The following ACTR8 variants were observed in gnomAD, a reference collection of about 807,000 sequenced individuals.
ACTR8 encodes the protein actin related protein 8, also known as actin-related protein 8.
A neutral mutation model predicts 84.3 loss-of-function variants in ACTR8; 70 were observed. The ratio of observed to expected loss-of-function variants is 0.83; its 90% CI spans 0.68 to 1.01. The LOEUF is 1.01. Among genes scored for constraint, ACTR8 ranks in the 50% least tolerant of loss-of-function variants. ACTR8 has a pLI of 0.00. For missense variants in ACTR8, 672 were observed against 775.4 expected, an observed-to-expected ratio of 0.87 and a Z score of 1.58; for synonymous variants, 268 against 275.2, an observed-to-expected ratio of 0.97 and a Z score of 0.26.
Position 53,871,493 on chromosome 3 carries a change from CA to C in ACTR8, c.1305del (p.Ala436GlnfsTer36). 2 of 1,613,838 alleles carry C rather than the reference CA, an allele frequency of 1.2e-6. No individual in the cohort carries two copies. Among genetic ancestry groups the C allele is most frequent in the Non-Finnish European group, 1.7e-6 (2 of 1,179,932 alleles). On this transcript the variant is annotated frameshift_variant and splice_region_variant, in exon 11 of 13. Transcript: ENST00000335754. LOFTEE classifies it high-confidence loss of function. ...LLATQSKQEQ[S>X]AKATADRKSA... ...GACTTTCGGTCAGCAGTAGCTTTTGCAGACTTTAAATCAAAAGGACAATCAA... is the reference window on the plus strand; with the variant it reads ...GACTTTCGGTCAGCAGTAGCTTTTGCGACTTTAAATCAAAAGGACAATCAA...
At chr3:53,868,909 A>ACT (rs1239977753) in intron 12 of ACTR8, 47 bp from the exon 13 acceptor site, 1 of 1,581,830 alleles carries the variant, frequency 6.3e-7, no homozygotes, top group Admixed American at 1.8e-5. Flanking sequence ...TAAGACATAT[A>ACT]CTCAATCATT....
Position 53,882,108 on chromosome 3 carries a change from C to T in ACTR8, c.-7G>A, listed in dbSNP as rs977069193. The T allele has an allele frequency of 1.3e-5, 20 of 1,551,364 alleles. No homozygotes were observed. In the East Asian group the frequency reaches 2.2e-4, roughly 17 times the overall value. On this transcript the variant is annotated 5_prime_UTR_variant, in exon 1 of 13. Transcript: ENST00000335754. Reference sequence around the variant, plus strand: ...CCTTCTCAGCCTGGGTCATTATGGCCGGAGACACCCACCAACCTCTCGCCT... The same window carrying T: ...CCTTCTCAGCCTGGGTCATTATGGCTGGAGACACCCACCAACCTCTCGCCT...
downstream of ACTR8, chr3:53,865,337 A>G (rs376880235): frequency 9.7e-5 from 151 of 1,557,668 alleles, no homozygotes; most frequent in African/African-American, 1.9e-3. Context: ...GAGACCTTAA[A>G]GGCTTCCTAT....
At chr3:53,865,418 A>T, downstream of ACTR8, 1 of 796,136 alleles carries the variant, frequency 1.3e-6, no homozygotes, top group Non-Finnish European at 1.9e-6. Flanking sequence ...CAGCCTTAGT[A>T]ATTAAAACAT....
In ACTR8 at chr3:53,868,984, CT is replaced by C. The variant is rs1376937578; in HGVS notation, c.1732-123del. The C allele has an allele frequency of 1.5e-5, 20 of 1,353,478 alleles. No homozygotes were observed. The Admixed American group carries it at 4.0e-4, about 27-fold the overall frequency. 83.8% of individuals were successfully genotyped at this position (1,353,478 alleles called of 1,614,324 possible). A position where few individuals can be genotyped will look rare whatever the true frequency, so the allele number is the denominator to read the frequency against. ...ATACCTAGTAAGCCAGGCTTTCACC[CT>C]GTATTAAAGACAGCAGGATTAAATA... On this transcript the variant is annotated intron_variant, in intron 12 of 12. Coordinates refer to ENST00000335754, the MANE Select transcript of ACTR8 (RefSeq NM_022899.5).
At chr3:53,871,091 C>T in intron 11 of ACTR8, 141 bp downstream of exon 11, 1 of 1,186,562 alleles carries the variant, frequency 8.4e-7, no homozygotes, top group Non-Finnish European at 1.2e-6. Flanking sequence ...ATTCCCAACA[C>T]CTGGCAATGC....
At position 53,868,073 on chromosome 3, in the gene ACTR8, T is replaced by G. The variant is rs565962634; in HGVS notation, c.*646A>C. ...AATTGTTTTCTTTCTTCCTCTAAGC[T>G]CACCCTACGGCATGTCAGGTAACAA... On this transcript the variant is annotated 3_prime_UTR_variant, in exon 13 of 13. Coordinates refer to ENST00000335754, the MANE Select transcript of ACTR8 (RefSeq NM_022899.5). 1 of 152,282 alleles carries G rather than the reference T, an allele frequency of 6.6e-6. No individual in the cohort carries two copies. The highest frequency in any genetic ancestry group is 1.9e-4 in the East Asian group (1 of 5,180). The allele number at this position is 152,282 out of a possible 1,614,324, so 9.4% of individuals were successfully genotyped here. A position where few individuals can be genotyped will look rare whatever the true frequency, so the allele number is the denominator to read the frequency against.
Position 53,870,299 on chromosome 3 carries a change from AAC to A in ACTR8, c.1568-156_1568-155del, listed in dbSNP as rs1699863851. 2 of 829,104 alleles carry A rather than the reference AAC, an allele frequency of 2.4e-6. No individual in the cohort carries two copies. Among genetic ancestry groups the A allele is most frequent in the East Asian group, 5.1e-5 (2 of 39,344 alleles). The allele number at this position is 829,104 out of a possible 1,614,324, so 51.4% of individuals were successfully genotyped here. A position where few individuals can be genotyped will look rare whatever the true frequency, so the allele number is the denominator to read the frequency against. On this transcript the variant is annotated intron_variant, in intron 11 of 12. Coordinates refer to ENST00000335754, the MANE Select transcript of ACTR8 (RefSeq NM_022899.5). The surrounding 1 kb of genome is among the most constrained non-coding windows in gnomAD (Gnocchi z 4.1). The stretch of plus-strand genomic sequence containing the variant: ...CACTGCAGCCAGGGGAACCCTACGA[AAC>A]ACAAATGTAGGCATGTTGCCACGCC...
At chr3:53,861,065 G>A in the ACTR8 span, 3 of 152,306 alleles carry the variant, frequency 2.0e-5, no homozygotes, top group South Asian at 6.2e-4. Flanking sequence ...CTCAAGGGTT[G>A]CAAGTATCGA....
chr3:53,875,890 G>A (rs562359821), intron 7 of ACTR8, 58 bp downstream of exon 7: 13 of 1,603,840 alleles, frequency 8.1e-6, no homozygotes, highest in Admixed American at 1.7e-5. Context: ...TATTATTTAC[G>A]GTTGAACAGA....
chr3:53,873,328 G>A (rs1699916766), intron 8 of ACTR8, among the ~76,000 whole-genome samples: 1 of 152,110 alleles, frequency 6.6e-6, no homozygotes, highest in Admixed American at 6.6e-5. Flanking sequence ...AATTTCCACT[G>A]TTTGCATTAT....
intron 12 of ACTR8, among the ~76,000 whole-genome samples, chr3:53,869,534 T>C (rs1699852630): frequency 6.6e-6 from 1 of 152,200 alleles, no homozygotes. Flanking sequence ...GTCAGTGAGA[T>C]TTAATAAAAC....
At chr3:53,866,671 CG>C (rs1274118370), downstream of ACTR8, among the ~76,000 whole-genome samples, 8 of 151,988 alleles carry the variant, frequency 5.3e-5, no homozygotes, top group East Asian at 1.6e-3. Context: ...TTAGTAGAGA[CG>C]GGGTTTCACC....
intron 1 of ACTR8, among the ~76,000 whole-genome samples, chr3:53,880,597 G>A (rs1447112978): frequency 6.6e-6 from 1 of 152,160 alleles, no homozygotes; most frequent in Non-Finnish European, 1.5e-5. Context: ...CTATAGTAAA[G>A]CCTTTCAACG....
chr3:53,876,192 G>A, intron 6 of ACTR8, 112 bp from the exon 7 acceptor site: 9 of 1,280,602 alleles, frequency 7.0e-6, no homozygotes, highest in Non-Finnish European at 8.7e-6. Context: ...CAGGGCATCT[G>A]AGGAACACTG....
chr3:53,871,377 C>T lies in ACTR8; in HGVS notation c.1422G>A (p.Gly474=). 2 of 1,614,222 alleles carry T rather than the reference C, an allele frequency of 1.2e-6. 1 individual carries two copies. Among genetic ancestry groups the T allele is most frequent in the South Asian group, 2.2e-5 (2 of 91,084 alleles). Residue 474 remains glycine (G), a synonymous_variant, in exon 11 of 13, where the codon GGG becomes GGA. Coordinates refer to ENST00000335754, the MANE Select transcript of ACTR8 (RefSeq NM_022899.5). ...ERLHSQEVDL[G]SAQGDGLMAG... ...CCATCAGGCCATCTCCCTGTGCAGA[C>T]CCCAAATCTACCTCCTGGGAATGGA... is the stretch of plus-strand genomic sequence containing the variant.
In ACTR8 at chr3:53,882,014, T is replaced by G; in HGVS notation, c.88A>C (p.Ile30Leu). The change falls in exon 1 of 13, where the codon ATC becomes CTC. Residue 30 changes from isoleucine to leucine, a missense_variant. Coordinates refer to ENST00000335754, the MANE Select transcript of ACTR8 (RefSeq NM_022899.5). ...GACTCCGGCACCAGCGCGGGCACGA[T>G]GGGCCGCTTCACGCCGCGCTGCTCC... Reference protein sequence around the residue: ...EKEQRGVKRPIVPALVPESLQ... With the variant: ...EKEQRGVKRPLVPALVPESLQ... 2.6e-6 allele frequency: 4 copies of G among 1,552,224 alleles called. No individual in the cohort carries two copies. The highest frequency in any genetic ancestry group is 3.5e-6 in the Non-Finnish European group (4 of 1,147,126).
chr3:53,875,803 A>G (rs1699955916), intron 7 of ACTR8, 145 bp downstream of exon 7: 7 of 1,223,312 alleles, frequency 5.7e-6, no homozygotes, highest in Non-Finnish European at 6.7e-6. Flanking sequence ...TAGAATATGC[A>G]CTTCCATAAT....
Position 53,874,295 on chromosome 3 carries a change from G to T in ACTR8, c.981C>A (p.Phe327Leu), listed in dbSNP as rs1397349646. 6.2e-7 allele frequency: 1 copy of T among 1,614,044 alleles called. No individual in the cohort carries two copies. The highest frequency in any genetic ancestry group is 8.5e-7 in the Non-Finnish European group (1 of 1,180,016). Residue 327 changes from phenylalanine (F) to leucine (L), a missense_variant, in exon 8 of 13, where the codon TTC becomes TTA. Transcript: ENST00000335754. ...CFYWLMQRAG[F>L]PYRECQLTNK... Reference sequence around the variant, plus strand: ...TTGTTAACTGGCATTCTCTGTAAGGGAACCCAGCTCGCTGCATTAGCCAGT... The same window carrying T: ...TTGTTAACTGGCATTCTCTGTAAGGTAACCCAGCTCGCTGCATTAGCCAGT...
Sources: gnomAD v4.1 joint callset for allele counts (sites outside exome capture counted in the v4.1 genomes callset) on GRCh38, gnomAD v4.1.1 for gene constraint, Gnocchi (gnomAD v3.1) non-coding constraint, MANE v1.5 for transcripts, NCBI Gene and HGNC (gene_info 2026-07-23, HGNC 2026-07-21) for gene names.